The following EPHB2 variants were observed in gnomAD, a reference collection of about 807,000 sequenced individuals.
EPHB2 encodes the protein ephrin type-B receptor 2.
Under a neutral mutation model 96.4 loss-of-function variants are expected in EPHB2, and 18 were observed. The ratio of observed to expected loss-of-function variants is 0.19; its 90% CI spans 0.13 to 0.28. The LOEUF (loss-of-function observed/expected upper bound fraction) is 0.28, where lower values mean the gene tolerates loss of function less well. EPHB2 is among the 10% of genes least tolerant of loss of function. The probability of loss-of-function intolerance (pLI) is 1.00; values close to 1 mark genes in which losing one functional copy is unlikely to be tolerated. For missense variants in EPHB2, 989 were observed against 1,355.4 expected, an observed-to-expected ratio of 0.73 and a Z score of 4.25; for synonymous variants, 506 against 534.1, an observed-to-expected ratio of 0.95 and a Z score of 0.72.
intron 1 of EPHB2, among the ~76,000 whole-genome samples, chr1:22,762,258 C>T (rs377331282): frequency 1.3e-5 from 2 of 152,176 alleles, no homozygotes; most frequent in Non-Finnish European, 2.9e-5. Flanking sequence ...GCTGGTGTCC[C>T]ACCAGAGACA....
chr1:22,877,577 A>G (rs754003408), intron 5 of EPHB2, among the ~76,000 whole-genome samples: 11 of 152,048 alleles, frequency 7.2e-5, no homozygotes, highest in Non-Finnish European at 1.2e-4. Context: ...AACTCTTTGT[A>G]TGGCTGCTCC....
intron 4 of EPHB2, among the ~76,000 whole-genome samples, chr1:22,864,034 C>CTTTTTTTTTTTTTTTT (rs201727615): frequency 7.6e-6 from 1 of 131,160 alleles, no homozygotes. Context: ...AGTTTCTGTT[C>CTTTTTTTTTTTTTTTT]TTTTTTTTTT....
chr1:22,907,712 C>T (rs1177672409), intron 11 of EPHB2, among the ~76,000 whole-genome samples: 3 of 152,280 alleles, frequency 2.0e-5, no homozygotes, highest in Admixed American at 6.5e-5. Context: ...GTTGCACAGC[C>T]GAGAAGGAAC....
At chr1:22,818,105 T>C (rs554529174) in intron 3 of EPHB2, among the ~76,000 whole-genome samples, 1 of 152,280 alleles carries the variant, frequency 6.6e-6, no homozygotes, top group East Asian at 1.9e-4. Context: ...TGATCCTTAG[T>C]CTGTCGCTTC....
At chr1:22,788,776 A>G (rs1177015846) in intron 3 of EPHB2, among the ~76,000 whole-genome samples, 5 of 129,926 alleles carry the variant, frequency 3.8e-5, no homozygotes, top group African/African-American at 1.6e-4. Context: ...TTTTTTTGTG[A>G]CAGGGTCTCA....
chr1:22,713,970 A>T (rs977795163), intron 1 of EPHB2, among the ~76,000 whole-genome samples: 1 of 152,232 alleles, frequency 6.6e-6, no homozygotes, highest in Admixed American at 6.5e-5. Context: ...CACTGGGGAA[A>T]CGTCCAACAG....
At chr1:22,765,519 C>T (rs1374238252) in intron 1 of EPHB2, among the ~76,000 whole-genome samples, 3 of 134,772 alleles carry the variant, frequency 2.2e-5, no homozygotes, top group East Asian at 4.5e-4. Flanking sequence ...TGCACTCCGG[C>T]CTGGGTGACA....
chr1:22,757,212 G>A (rs1644165150), intron 1 of EPHB2, among the ~76,000 whole-genome samples: 1 of 152,004 alleles, frequency 6.6e-6, no homozygotes, highest in Admixed American at 6.6e-5. Context: ...GGTGGTTCTG[G>A]AATACTTGAG....
intron 1 of EPHB2, among the ~76,000 whole-genome samples, chr1:22,714,438 T>G (rs172417): frequency 0.45 from 68,638 of 152,026 alleles, 16,351 homozygotes; most frequent in Middle Eastern, 0.54. Context: ...GGAAATAGCA[T>G]GTCTATATGT....
At chr1:22,765,707 T>C (rs957468576) in intron 1 of EPHB2, among the ~76,000 whole-genome samples, 2 of 152,060 alleles carry the variant, frequency 1.3e-5, no homozygotes, top group Non-Finnish European at 2.9e-5. Flanking sequence ...CATGGGATCT[T>C]GGACCAACCC....
At chr1:22,850,257 C>G (rs1189622062) in intron 3 of EPHB2, among the ~76,000 whole-genome samples, 1 of 152,202 alleles carries the variant, frequency 6.6e-6, no homozygotes, top group African/African-American at 2.4e-5. Flanking sequence ...CAGACACCGA[C>G]AGAATGATGT....
At chr1:22,782,368 C>G (rs954585767) in intron 2 of EPHB2, among the ~76,000 whole-genome samples, 1 of 152,164 alleles carries the variant, frequency 6.6e-6, no homozygotes, top group African/African-American at 2.4e-5. Context: ...CCCTCATCCC[C>G]GCCGTCTCTG....
intron 6 of EPHB2, among the ~76,000 whole-genome samples, chr1:22,884,969 T>C (rs1428453576): frequency 6.6e-6 from 1 of 152,132 alleles, no homozygotes; most frequent in Non-Finnish European, 1.5e-5. Flanking sequence ...CTTGCCATGA[T>C]CTCTGCTGTG....
chr1:22,822,376 A>G (rs898249285), intron 3 of EPHB2, among the ~76,000 whole-genome samples: 1 of 152,218 alleles, frequency 6.6e-6, no homozygotes, highest in African/African-American at 2.4e-5. Context: ...ACAATGCTAA[A>G]AATAAATTTA....
chr1:22,816,479 C>T (rs1019748974), intron 3 of EPHB2, among the ~76,000 whole-genome samples: 1 of 152,210 alleles, frequency 6.6e-6, no homozygotes, highest in African/African-American at 2.4e-5. Context: ...TCCCCACCCA[C>T]CAGTACCTTA....
At chr1:22,789,601 A>G (rs1008763646) in intron 3 of EPHB2, among the ~76,000 whole-genome samples, 2 of 152,238 alleles carry the variant, frequency 1.3e-5, no homozygotes, top group Admixed American at 1.3e-4. Context: ...CCTCTAACAA[A>G]TATGCGTTGC....
intron 3 of EPHB2, among the ~76,000 whole-genome samples, chr1:22,852,702 C>T (rs1645640358): frequency 6.6e-6 from 1 of 152,230 alleles, no homozygotes; most frequent in Non-Finnish European, 1.5e-5. Context: ...AGACTGTGAG[C>T]TCCCCCTACA....
chr1:22,910,141 C>T (rs1316889163), intron 13 of EPHB2, among the ~76,000 whole-genome samples: 1 of 152,106 alleles, frequency 6.6e-6, no homozygotes, highest in African/African-American at 2.4e-5. Context: ...TCTCAGGGCA[C>T]TGGATTTCCC....
At chr1:22,738,627 A>T (rs16827484) in intron 1 of EPHB2, among the ~76,000 whole-genome samples, 1 of 152,174 alleles carries the variant, frequency 6.6e-6, no homozygotes, top group African/African-American at 2.4e-5. Flanking sequence ...CTGCAATTCA[A>T]TCATTCATTA....
Sources: gnomAD v4.1 joint callset for allele counts (sites outside exome capture counted in the v4.1 genomes callset) on GRCh38, gnomAD v4.1.1 for gene constraint, MANE v1.5 for transcripts, NCBI Gene and HGNC (gene_info 2026-07-23, HGNC 2026-07-21) for gene names.